Variants in ZSWIM7 observed in about 807,000 individuals in gnomAD.
ZSWIM7 encodes zinc finger SWIM-type containing 7.
A neutral mutation model predicts 21.1 loss-of-function variants in ZSWIM7; 22 were observed. The ratio of observed to expected loss-of-function variants is 1.04; its 90% confidence interval spans 0.74 to 1.49. ZSWIM7 has a LOEUF of 1.49. ZSWIM7 is among the 40% of genes most tolerant of loss of function. The pLI, the probability that ZSWIM7 is intolerant of heterozygous loss-of-function variation, is 0.00. For missense variants in ZSWIM7, 193 were observed against 168.0 expected (o/e 1.15, Z -0.82); for synonymous variants, 67 against 66.5 (o/e 1.01, Z -0.04).
At position 15,993,596 on chromosome 17, in the gene ZSWIM7, G is replaced by A. The variant is rs140886886; in HGVS notation, c.98+161C>T. ...TTGGCCAGGATGGTCTTGATCTCCT[G>A]ACTTCATGATCCACTCACCTTGGCC... On this transcript the variant is annotated intron_variant, in intron 2 of 4. Transcript: ENST00000399277. 1.1e-4 allele frequency among the ~76,000 whole-genome samples: 16 copies of A among 151,846 alleles called. No individual in the cohort carries two copies. The East Asian group carries it at 2.7e-3, about 26-fold the overall frequency.
intron 1 of ZSWIM7, among the ~76,000 whole-genome samples, chr17:15,998,941 A>T (rs1275576560): frequency 6.6e-6 from 1 of 151,942 alleles, no homozygotes; most frequent in African/African-American, 2.4e-5. Context: ...TTTTTAGTAG[A>T]GACGAAGTTT....
At chr17:15,992,900 T>G (rs573386068) in intron 2 of ZSWIM7, among the ~76,000 whole-genome samples, 6 of 152,062 alleles carry the variant, frequency 3.9e-5, no homozygotes, top group Non-Finnish European at 8.8e-5. Context: ...TTTTTTGAGA[T>G]GGAATTTTGC....
intron 2 of ZSWIM7, among the ~76,000 whole-genome samples, chr17:15,989,949 G>A (rs902685521): frequency 4.6e-5 from 7 of 152,034 alleles, no homozygotes; most frequent in Admixed American, 2.6e-4. Flanking sequence ...GGCCAGGCGC[G>A]GTGGCTCACA....
intron 2 of ZSWIM7, among the ~76,000 whole-genome samples, chr17:15,988,660 G>GA (rs891287260): frequency 2.0e-4 from 27 of 132,174 alleles, no homozygotes; most frequent in East Asian, 4.5e-4. Context: ...AAAGAAAAAA[G>GA]AAAAAAAAAA....
chr17:15,991,914 G>T (rs60834129), intron 2 of ZSWIM7, among the ~76,000 whole-genome samples: 8,346 of 49,084 alleles, frequency 0.17, 423 homozygotes, highest in African/African-American at 0.25. Context: ...GTTTTTTTTT[G>T]TTTGTTTTGT....
At chr17:15,984,740 T>A (rs1026008483) in intron 3 of ZSWIM7, among the ~76,000 whole-genome samples, 4 of 152,170 alleles carry the variant, frequency 2.6e-5, no homozygotes, top group Non-Finnish European at 5.9e-5. Context: ...AAAATCTGAG[T>A]AGCCAAGCGA....
At chr17:15,991,773 T>C (rs1382702182) in intron 2 of ZSWIM7, among the ~76,000 whole-genome samples, 1 of 152,186 alleles carries the variant, frequency 6.6e-6, no homozygotes, top group African/African-American at 2.4e-5. Flanking sequence ...GAGCTTGGTA[T>C]ATATTCTTCA....
chr17:15,981,906 C>T (rs961188827), intron 3 of ZSWIM7, among the ~76,000 whole-genome samples: 8 of 152,086 alleles, frequency 5.3e-5, no homozygotes, highest in African/African-American at 1.9e-4. Flanking sequence ...ACAAAGATCC[C>T]ATCTCTAAAA....
intron 1 of ZSWIM7, among the ~76,000 whole-genome samples, chr17:15,994,972 G>A (rs961163304): frequency 1.3e-5 from 2 of 152,000 alleles, no homozygotes; most frequent in African/African-American, 4.8e-5. Context: ...AAGGAAAAAG[G>A]AAATAGAATA....
At position 15,999,404 on chromosome 17, in the gene ZSWIM7, A is replaced by G. The variant is rs1217630047; in HGVS notation, c.76+115T>C. ...ACGAACAAGAGGTTTAGAGAACCAC[A>G]TGGAAAAAAGGCAGGGCCAGGCCCG... On this transcript the variant is annotated intron_variant, in intron 1 of 4. Transcript: ENST00000399277. 5 of 1,314,520 alleles carry G rather than the reference A, an allele frequency of 3.8e-6. No homozygotes were observed. In the African/African-American group the frequency reaches 4.4e-5, roughly 11 times the overall value. The allele number at this position is 1,314,520 out of a possible 1,614,324, so 81.4% of individuals were successfully genotyped here. A position where few individuals can be genotyped will look rare whatever the true frequency, so the allele number is the denominator to read the frequency against.
intron 3 of ZSWIM7, among the ~76,000 whole-genome samples, chr17:15,985,578 A>G (rs1313204497): frequency 6.6e-6 from 1 of 152,202 alleles, no homozygotes. Context: ...AGATTTCTAC[A>G]GCCTCATTTA....
At chr17:15,995,126 A>G (rs954185110) in intron 1 of ZSWIM7, among the ~76,000 whole-genome samples, 1 of 152,180 alleles carries the variant, frequency 6.6e-6, no homozygotes, top group Non-Finnish European at 1.5e-5. Context: ...AAGAAGAAAA[A>G]GGGAATCTTC....
At chr17:15,995,450 C>CG (rs1408172328) in intron 1 of ZSWIM7, among the ~76,000 whole-genome samples, 2 of 151,490 alleles carry the variant, frequency 1.3e-5, no homozygotes, top group Admixed American at 6.6e-5. Flanking sequence ...TTAGTAGAGA[C>CG]GGGGTTTCTC....
intron 2 of ZSWIM7, among the ~76,000 whole-genome samples, chr17:15,989,127 A>T (rs4792709): frequency 0.64 from 97,215 of 152,130 alleles, 32,577 homozygotes; most frequent in African/African-American, 0.84. Context: ...TCTGAAGATA[A>T]TAAATGTGTA....
intron 4 of ZSWIM7, among the ~76,000 whole-genome samples, chr17:15,979,642 A>G: frequency 8.0e-6 from 1 of 125,418 alleles, no homozygotes; most frequent in African/African-American, 3.3e-5. Context: ...TCCCTCCCGG[A>G]CGGGGCGGCT....
At position 15,997,267 on chromosome 17, in the gene ZSWIM7, T is replaced by C. The variant is rs148814130; in HGVS notation, c.76+2252A>G. 5.4e-3 allele frequency among the ~76,000 whole-genome samples: 818 copies of C among 151,780 alleles called. 5 individuals are homozygous for C. The highest frequency in any genetic ancestry group is 0.019 in the African/African-American group (776 of 41,338). ...CCCAGATAATAATGGTTAAGAGAGATCTCAGCAAACAGCCGAGAGATCAGC... is the reference window on the plus strand; with the variant it reads ...CCCAGATAATAATGGTTAAGAGAGACCTCAGCAAACAGCCGAGAGATCAGC... On this transcript the variant is annotated intron_variant, in intron 1 of 4. Transcript: ENST00000399277.
At chr17:15,988,142 A>G (rs1970438842) in intron 2 of ZSWIM7, among the ~76,000 whole-genome samples, 1 of 152,174 alleles carries the variant, frequency 6.6e-6, no homozygotes, top group Non-Finnish European at 1.5e-5. Context: ...CATATATAGT[A>G]TTGTTTTAAA....
chr17:15,980,046 A>G (rs1319735161), intron 4 of ZSWIM7, among the ~76,000 whole-genome samples: 1 of 134,426 alleles, frequency 7.4e-6, no homozygotes, highest in Non-Finnish European at 1.6e-5. Flanking sequence ...TGACCCCCCC[A>G]CCTCCCTCCC....
intron 3 of ZSWIM7, among the ~76,000 whole-genome samples, chr17:15,982,701 G>C (rs913005436): frequency 1.3e-5 from 2 of 152,098 alleles, no homozygotes; most frequent in African/African-American, 4.8e-5. Context: ...ATCCAGGCTG[G>C]AGTACAGTGG....
Sources: gnomAD v4.1 joint callset for allele counts (sites outside exome capture counted in the v4.1 genomes callset) on GRCh38, gnomAD v4.1.1 for gene constraint, MANE v1.5 for transcripts, NCBI Gene and HGNC (gene_info 2026-07-23, HGNC 2026-07-21) for gene names.